Variants in ANKS6 observed in about 807,000 individuals in gnomAD.
ANKS6 encodes the protein ankyrin repeat and sterile alpha motif domain containing 6, also known as ankyrin repeat and SAM domain-containing protein 6.
A neutral mutation model predicts 77.9 loss-of-function variants in ANKS6; 47 were observed. The ratio of observed to expected loss-of-function variants is 0.60; its 90% CI spans 0.48 to 0.77. ANKS6 has a LOEUF of 0.77. ANKS6 is among the 30% of genes least tolerant of loss of function. ANKS6 has a pLI of 0.00. For missense variants in ANKS6, 1,150 were observed against 1,159.1 expected (o/e 0.99, Z 0.11); for synonymous variants, 488 against 501.7 (o/e 0.97, Z 0.37).
intron 2 of ANKS6, among the ~76,000 whole-genome samples, chr9:98,786,635 C>T (rs1052174527): frequency 2.6e-5 from 4 of 152,172 alleles, no homozygotes; most frequent in Non-Finnish European, 5.9e-5. Context: ...TGCCATGGGA[C>T]ACAGTATATC....
In ANKS6 at chr9:98,733,814, T is replaced by C; in HGVS notation, c.*2705A>G. On this transcript the variant is annotated 3_prime_UTR_variant, in exon 15 of 15. Coordinates refer to ENST00000353234, the MANE Select transcript of ANKS6 (RefSeq NM_173551.5). ...ACTCAACCAGGGAACCTCACCCCAC[T>C]TTCACATACACACCCTACGTTTCTT... The C allele has an allele frequency of 1.0e-6, 1 of 985,428 alleles. No individual in the cohort carries two copies. Among genetic ancestry groups the C allele is most frequent in the Non-Finnish European group, 1.2e-6 (1 of 829,950 alleles). 61.0% of individuals were successfully genotyped at this position (985,428 alleles called of 1,614,324 possible).
intron 14 of ANKS6, 121 bp downstream of exon 14, chr9:98,745,438 G>T: frequency 1.1e-6 from 1 of 898,046 alleles, no homozygotes; most frequent in Non-Finnish European, 1.8e-6. Flanking sequence ...GGCCATGCTG[G>T]GAGGTAGTGA....
In ANKS6 at chr9:98,739,758, A is replaced by ATTTT. The variant is rs749499336; in HGVS notation, c.2512-3139_2512-3136dup. 1.5e-4 allele frequency among the ~76,000 whole-genome samples: 13 copies of ATTTT among 88,866 alleles called. 2 individuals are homozygous for ATTTT. The highest frequency in any genetic ancestry group is 5.9e-4 in the East Asian group (2 of 3,402). 58.3% of individuals were successfully genotyped at this position (88,866 alleles called of 152,430 possible). A position where few individuals can be genotyped will look rare whatever the true frequency, so the allele number is the denominator to read the frequency against. ...CTCAGAGGGCAGCAGTGGATTAAAC[A>ATTTT]TTTTTTTTTTTTTTTTGAGACGGAG... On this transcript the variant is annotated intron_variant, in intron 14 of 14. Coordinates refer to ENST00000353234, the MANE Select transcript of ANKS6 (RefSeq NM_173551.5).
rs576231297 is a variant in ANKS6 at position 98,767,033 on chromosome 9, G to T, written c.2142+1048C>A. On this transcript the variant is annotated intron_variant, in intron 11 of 14. Coordinates refer to ENST00000353234, the MANE Select transcript of ANKS6 (RefSeq NM_173551.5). ...CTCACGACTAGGAACCCGCACTCTG[G>T]GGGCTCACCCAGAAATCAACCAAGG... 8.0e-4 allele frequency among the ~76,000 whole-genome samples: 122 copies of T among 152,236 alleles called. 1 individual carries two copies. Among genetic ancestry groups the T allele is most frequent in the African/African-American group, 2.8e-3 (118 of 41,526 alleles).
chr9:98,768,119 G>A lies in ANKS6; in HGVS notation c.2104C>T (p.Pro702Ser), dbSNP rs1833404151. 1.2e-6 allele frequency: 2 copies of A among 1,612,648 alleles called. No homozygotes were observed. Among genetic ancestry groups the A allele is most frequent in the African/African-American group, 1.3e-5 (1 of 74,918 alleles). Residue 702 changes from proline to serine, a missense_variant, in exon 11 of 15, where the codon CCA becomes TCA. Transcript: ENST00000353234. ...GCGCTGCCACCTGCAGGGGAGGCTGGAAGCTCAGACGGGCTGGACCCCGGT... is the reference window on the plus strand; with the variant it reads ...GCGCTGCCACCTGCAGGGGAGGCTGAAAGCTCAGACGGGCTGGACCCCGGT... ...PAPGSSPSEL[P>S]ASPAGGSAPV...
At chr9:98,739,032 T>C (rs544355691) in intron 14 of ANKS6, among the ~76,000 whole-genome samples, 3 of 151,474 alleles carry the variant, frequency 2.0e-5, no homozygotes, top group Non-Finnish European at 4.4e-5. Context: ...TAACCAAAAA[T>C]AATATGTTCT....
Position 98,745,781 on chromosome 9 carries a change from A to G in ANKS6, c.2395-106T>C, listed in dbSNP as rs1209275850. 29 of 815,668 alleles carry G rather than the reference A, an allele frequency of 3.6e-5. No homozygotes were observed. In the Admixed American group the frequency reaches 5.5e-4, roughly 16 times the overall value. 50.5% of individuals were successfully genotyped at this position (815,668 alleles called of 1,614,324 possible). A position where few individuals can be genotyped will look rare whatever the true frequency, so the allele number is the denominator to read the frequency against. On this transcript the variant is annotated intron_variant, in intron 13 of 14. Transcript: ENST00000353234. The stretch of plus-strand genomic sequence containing the variant: ...GAGCTATGAGTGCTTATTAGTAGTA[A>G]ACTGATGATGATTTACTACTTCTAA...
chr9:98,743,992 A>T (rs1831982128), intron 14 of ANKS6, among the ~76,000 whole-genome samples: 1 of 151,754 alleles, frequency 6.6e-6, no homozygotes, highest in South Asian at 2.1e-4. Flanking sequence ...TACCTGCCTT[A>T]CCCCCCTGCC....
chr9:98,787,859 ACCCGAGG>A (rs1165242772), intron 2 of ANKS6, among the ~76,000 whole-genome samples: 1 of 152,210 alleles, frequency 6.6e-6, no homozygotes, highest in Admixed American at 6.5e-5. Flanking sequence ...CTGCTGGAAG[ACCCGAGG>A]TTCGCTCCTG....
chr9:98,795,996 C>G, intron 1 of ANKS6, 137 bp downstream of exon 1: 2 of 823,006 alleles, frequency 2.4e-6, no homozygotes, highest in Non-Finnish European at 3.3e-6. Context: ...TTACAAAAGA[C>G]TACTCAAAGT....
intron 2 of ANKS6, among the ~76,000 whole-genome samples, chr9:98,786,913 C>T (rs969747486): frequency 2.0e-5 from 3 of 152,162 alleles, no homozygotes; most frequent in Admixed American, 6.5e-5. Context: ...GGGCAGGTCC[C>T]TTCCTCGCTT....
intron 12 of ANKS6, 148 bp downstream of exon 12, chr9:98,756,272 C>G (rs564286213): frequency 1.2e-6 from 1 of 851,966 alleles, no homozygotes; most frequent in African/African-American, 1.8e-5. Context: ...AAGGTACAAT[C>G]AGAGAAGAGG....
At chr9:98,788,084 T>C (rs1834677092) in intron 2 of ANKS6, among the ~76,000 whole-genome samples, 1 of 152,142 alleles carries the variant, frequency 6.6e-6, no homozygotes, top group African/African-American at 2.4e-5. Flanking sequence ...TCGAACCAAG[T>C]GGACAGTGAC....
Position 98,734,791 on chromosome 9 carries a change from G to C in ANKS6, c.*1728C>G. ...CCAGCACATAGTAGGGGATGAATGA[G>C]TGTGTCTCCTTAAAAAGGCTGGGAC... On this transcript the variant is annotated 3_prime_UTR_variant, in exon 15 of 15. Transcript: ENST00000353234. The C allele has an allele frequency of 1.0e-6, 1 of 985,160 alleles. No individual in the cohort carries two copies. Among genetic ancestry groups the C allele is most frequent in the South Asian group, 4.7e-5 (1 of 21,284 alleles). The allele number at this position is 985,160 out of a possible 1,614,324, so 61.0% of individuals were successfully genotyped here.
At chr9:98,757,272 T>C (rs422531) in intron 11 of ANKS6, among the ~76,000 whole-genome samples, 119,389 of 152,058 alleles carry the variant, frequency 0.79, 47,273 homozygotes, top group African/African-American at 0.88. Flanking sequence ...CTGGCTGTTT[T>C]GCTTATGTCC....
rs1436927313 is a variant in ANKS6, at chr9:98,790,171, T to G, written c.795A>C (p.Ala265=). 2 of 1,599,424 alleles carry G rather than the reference T, an allele frequency of 1.3e-6. No individual in the cohort carries two copies. The highest frequency in any genetic ancestry group is 1.1e-5 in the South Asian group (1 of 90,466). The change falls in exon 2 of 15, where the codon GCA becomes GCC. Residue 265 remains alanine (A), a synonymous_variant. Coordinates refer to ENST00000353234, the MANE Select transcript of ANKS6 (RefSeq NM_173551.5). ...SVLEKTAFEV[A]LDCKHRDLVD... is the part of the protein sequence containing the mutation. ...CAAGGTCCCTGTGCTTGCAGTCCAG[T>G]GCAACCTCGAAGGCGGTCTTCTCCA...
At chr9:98,772,234 A>G (rs1564204607) in intron 9 of ANKS6, among the ~76,000 whole-genome samples, 1 of 152,190 alleles carries the variant, frequency 6.6e-6, no homozygotes, top group Non-Finnish European at 1.5e-5. Flanking sequence ...ATGCAATCAC[A>G]TGTATCTTTA....
chr9:98,733,050 G>T lies in ANKS6; in HGVS notation c.*3469C>A. The T allele has an allele frequency of 1.2e-6, 1 of 813,328 alleles. No individual in the cohort carries two copies. The highest frequency in any genetic ancestry group is 1.5e-6 in the Non-Finnish European group (1 of 669,678). 50.4% of individuals were successfully genotyped at this position (813,328 alleles called of 1,614,324 possible). ...TTTCCCTGAGCTGTATACCCAGCAG[G>T]CTTCATCACCACACCATCTCACCGA... is the stretch of plus-strand genomic sequence containing the variant. On this transcript the variant is annotated 3_prime_UTR_variant, in exon 15 of 15. Coordinates refer to ENST00000353234, the MANE Select transcript of ANKS6 (RefSeq NM_173551.5).
At chr9:98,757,593 G>C (rs1832784059) in intron 11 of ANKS6, among the ~76,000 whole-genome samples, 1 of 152,132 alleles carries the variant, frequency 6.6e-6, no homozygotes, top group African/African-American at 2.4e-5. Flanking sequence ...ATGAGGGGAT[G>C]TCTGCTGGGT....
Sources: allele counts gnomAD v4.1 joint callset (sites outside exome capture counted in the v4.1 genomes callset), GRCh38; gene constraint gnomAD v4.1.1; transcripts MANE v1.5; gene names NCBI Gene and HGNC (gene_info 2026-07-23, HGNC 2026-07-21).